Variants in RBFOX1 observed in about 807,000 individuals in gnomAD.
RBFOX1 encodes RNA binding protein fox-1 homolog 1.
In RBFOX1, 8 loss-of-function variants were observed where a neutral mutation model predicts 57.7. That is an observed-to-expected ratio of 0.14 (90% CI 0.08 to 0.25). The LOEUF (loss-of-function observed/expected upper bound fraction) is 0.25, where lower values mean the gene tolerates loss of function less well. Among genes scored for constraint, RBFOX1 ranks in the 10% least tolerant of loss-of-function variants. The probability of loss-of-function intolerance (pLI) is 1.00; values close to 1 mark genes in which losing one functional copy is unlikely to be tolerated. For synonymous variants in RBFOX1, 326 were observed against 222.4 expected (o/e 1.47, Z -4.15); for missense variants, 611 against 548.5 (o/e 1.11, Z -1.14).
chr16:5,322,441 G>C (rs1482265609), intron 1 of RBFOX1, among the ~76,000 whole-genome samples: 1 of 152,078 alleles, frequency 6.6e-6, no homozygotes, highest in African/African-American at 2.4e-5. Flanking sequence ...GGGTGCCCTG[G>C]GCATGGCCAG....
At chr16:6,083,030 C>G (rs955520490) in intron 1 of RBFOX1, among the ~76,000 whole-genome samples, 1 of 151,240 alleles carries the variant, frequency 6.6e-6, no homozygotes, top group African/African-American at 2.4e-5. Context: ...TAGATGGAGT[C>G]TTGCTCTGTC....
At chr16:6,005,103 T>C (rs180700524) in intron 4 of RBFOX1, among the ~76,000 whole-genome samples, 30 of 152,156 alleles carry the variant, frequency 2.0e-4, no homozygotes, top group Middle Eastern at 6.8e-3. Flanking sequence ...AAGCCAAGAG[T>C]CCATTTCTTA....
At chr16:7,017,719 C>G (rs1054012457) in intron 3 of RBFOX1, among the ~76,000 whole-genome samples, 2 of 152,100 alleles carry the variant, frequency 1.3e-5, no homozygotes, top group Admixed American at 1.3e-4. Context: ...CTTTTCTCTT[C>G]ACGTTTTCAC....
chr16:7,132,641 A>G (rs1469111664), intron 4 of RBFOX1, among the ~76,000 whole-genome samples: 1 of 152,134 alleles, frequency 6.6e-6, no homozygotes, highest in Non-Finnish European at 1.5e-5. Flanking sequence ...ATGGAATAGT[A>G]TTCAGCCCTG....
chr16:6,588,613 C>G (rs1384944870), intron 2 of RBFOX1, among the ~76,000 whole-genome samples: 1 of 152,160 alleles, frequency 6.6e-6, no homozygotes, highest in Non-Finnish European at 1.5e-5. Flanking sequence ...GATCATGCCA[C>G]TGCACTCCAG....
At chr16:7,058,875 C>A (rs181104783) in intron 4 of RBFOX1, among the ~76,000 whole-genome samples, 3 of 152,074 alleles carry the variant, frequency 2.0e-5, no homozygotes, top group Non-Finnish European at 4.4e-5. Context: ...ATATTAACTT[C>A]ATAATGTTAC....
At position 7,046,338 on chromosome 16, in the gene RBFOX1, T is replaced by A. The variant is rs1048864933; in HGVS notation, c.-15-5719T>A. On this transcript the variant is annotated intron_variant, in intron 3 of 15. Coordinates refer to ENST00000550418, the MANE Select transcript of RBFOX1 (RefSeq NM_018723.4). ...TTTTCGGTTTTCTTAAAGGTTGTGT[T>A]ATAGGGATTATCACACACATATTTC... Among the ~76,000 whole-genome samples, 2 of 151,994 alleles carry A rather than the reference T, an allele frequency of 1.3e-5. 1 individual carries two copies. Among genetic ancestry groups the A allele is most frequent in the South Asian group, 4.2e-4 (2 of 4,816 alleles).
intron 2 of RBFOX1, among the ~76,000 whole-genome samples, chr16:6,595,549 G>A (rs140273507): frequency 1.6e-4 from 25 of 152,172 alleles, no homozygotes; most frequent in Non-Finnish European, 2.4e-4. Context: ...GTGTACTTAC[G>A]TTTTTATTTC....
At chr16:5,524,826 A>G (rs1022731428) in intron 2 of RBFOX1, among the ~76,000 whole-genome samples, 2 of 151,936 alleles carry the variant, frequency 1.3e-5, no homozygotes, top group Non-Finnish European at 2.9e-5. Flanking sequence ...CAGGCGTGAG[A>G]CACCGCACCC....
intron 4 of RBFOX1, among the ~76,000 whole-genome samples, chr16:7,439,567 C>G (rs1258631938): frequency 6.6e-6 from 1 of 152,102 alleles, no homozygotes; most frequent in Non-Finnish European, 1.5e-5. Flanking sequence ...AGAAAGGCAA[C>G]GAGGAGAGCA....
At chr16:6,702,073 C>T (rs1000452096) in intron 3 of RBFOX1, among the ~76,000 whole-genome samples, 2 of 152,120 alleles carry the variant, frequency 1.3e-5, no homozygotes, top group Non-Finnish European at 2.9e-5. Flanking sequence ...AACAAACCTG[C>T]ACATGTACCC....
chr16:7,664,886 T>C (rs2068773873), intron 12 of RBFOX1, 43 bp from the exon 13 acceptor site: 1 of 1,613,872 alleles, frequency 6.2e-7, no homozygotes, highest in Non-Finnish European at 8.5e-7. Context: ...GCATGGGAAA[T>C]GCACTAATAT....
intron 2 of RBFOX1, among the ~76,000 whole-genome samples, chr16:6,391,667 T>C (rs17140103): frequency 0.35 from 53,046 of 151,960 alleles, 9,658 homozygotes; most frequent in South Asian, 0.61. Flanking sequence ...TGGAAGGTGA[T>C]AGTCATGGGA....
chr16:5,593,893 G>A (rs577450104), intron 2 of RBFOX1, among the ~76,000 whole-genome samples: 1 of 152,214 alleles, frequency 6.6e-6, no homozygotes, highest in South Asian at 2.1e-4. Context: ...CCCCTTTCCT[G>A]TAACAGAGGT....
At chr16:6,961,460 C>T (rs1260502543) in intron 3 of RBFOX1, among the ~76,000 whole-genome samples, 4 of 152,210 alleles carry the variant, frequency 2.6e-5, no homozygotes, top group Admixed American at 1.3e-4. Flanking sequence ...AAAGGGGTCC[C>T]GATCAAGATC....
chr16:7,477,239 C>T (rs922516695), intron 4 of RBFOX1, among the ~76,000 whole-genome samples: 4 of 152,046 alleles, frequency 2.6e-5, no homozygotes, highest in South Asian at 2.1e-4. Context: ...AATAAGACAT[C>T]GATGCAAATA....
At chr16:5,495,553 C>A (rs991643761) in intron 2 of RBFOX1, among the ~76,000 whole-genome samples, 1 of 152,192 alleles carries the variant, frequency 6.6e-6, no homozygotes, top group Non-Finnish European at 1.5e-5. Flanking sequence ...GAAACTGTCA[C>A]AATAGCTGCA....
intron 3 of RBFOX1, among the ~76,000 whole-genome samples, chr16:7,009,542 G>A (rs1596863063): frequency 6.6e-6 from 1 of 152,100 alleles, no homozygotes; most frequent in East Asian, 1.9e-4. Flanking sequence ...TGGAAGGGAT[G>A]ATGCGATCAA....
At chr16:5,733,619 T>C (rs2052462445) in intron 3 of RBFOX1, among the ~76,000 whole-genome samples, 1 of 152,148 alleles carries the variant, frequency 6.6e-6, no homozygotes, top group South Asian at 2.1e-4. Context: ...CCAAGGTGCC[T>C]CATGATGTTA....
Sources: gnomAD v4.1 joint callset for allele counts (sites outside exome capture counted in the v4.1 genomes callset) on GRCh38, gnomAD v4.1.1 for gene constraint, MANE v1.5 for transcripts, NCBI Gene and HGNC (gene_info 2026-07-23, HGNC 2026-07-21) for gene names.